Variants in BPTF observed in about 807,000 individuals in gnomAD.
BPTF encodes nucleosome-remodeling factor subunit BPTF.
Under a neutral mutation model 292.5 loss-of-function variants are expected in BPTF, and 18 were observed. The ratio of observed to expected loss-of-function variants is 0.06; its 90% CI spans 0.04 to 0.09. The LOEUF is 0.09. Ranked by LOEUF, BPTF falls within the 10% of genes least tolerant of loss-of-function variation. The pLI is 1.00. For synonymous variants in BPTF, 1,225 were observed against 1,251.9 expected, an observed-to-expected ratio of 0.98 and a Z score of 0.45; for missense variants, 2,726 against 3,498.7, an observed-to-expected ratio of 0.78 and a Z score of 5.57.
At position 67,982,052 on chromosome 17, in the gene BPTF, A is replaced by G. The variant is rs369465861; in HGVS notation, c.8727-200A>G. 7.2e-5 allele frequency: 27 copies of G among 376,386 alleles called. 1 individual carries two copies. The highest frequency in any genetic ancestry group is 5.0e-4 in the East Asian group (9 of 17,996). The allele number at this position is 376,386 out of a possible 1,614,324, so 23.3% of individuals were successfully genotyped here. A position where few individuals can be genotyped will look rare whatever the true frequency, so the allele number is the denominator to read the frequency against. The stretch of plus-strand genomic sequence containing the variant: ...AAATATTGGCTTTTTCCAGTGAGCT[A>G]TTATGTTTAGTGTACAGTGAAAAGT... On this transcript the variant is annotated intron_variant, in intron 27 of 27. Coordinates refer to ENST00000306378, the MANE Select transcript of BPTF (RefSeq NM_182641.4).
chr17:67,978,199 G>A (rs1220444829), intron 27 of BPTF, among the ~76,000 whole-genome samples: 1 of 151,532 alleles, frequency 6.6e-6, no homozygotes, highest in Non-Finnish European at 1.5e-5. Flanking sequence ...TATGACCCAA[G>A]CTAATCTTGA....
At chr17:67,830,356 C>A (rs1375664207) in intron 1 of BPTF, among the ~76,000 whole-genome samples, 1 of 152,142 alleles carries the variant, frequency 6.6e-6, no homozygotes, top group African/African-American at 2.4e-5. Context: ...GATTTATGTC[C>A]TCTAAGGATT....
chr17:67,898,278 T>C (rs2146467208), intron 7 of BPTF, among the ~76,000 whole-genome samples: 1 of 152,254 alleles, frequency 6.6e-6, no homozygotes, highest in South Asian at 2.1e-4. Flanking sequence ...GGAGAACCAC[T>C]TGAACCTGGG....
Position 67,849,153 on chromosome 17 carries a change from T to G in BPTF, c.614-4787T>G, listed in dbSNP as rs866520242. 4.6e-5 allele frequency among the ~76,000 whole-genome samples: 7 copies of G among 152,184 alleles called. No individual in the cohort carries two copies. In the South Asian group the frequency reaches 1.5e-3, roughly 32 times the overall value. ...TCTTTAAAGTAGTGGTTTTCAAACT[T>G]GCCGCACATCAGAATCATTTGGGGA... On this transcript the variant is annotated intron_variant, in intron 1 of 27. Transcript: ENST00000306378.
At chr17:67,957,805 G>A (rs1416487909) in intron 23 of BPTF, among the ~76,000 whole-genome samples, 2 of 151,882 alleles carry the variant, frequency 1.3e-5, no homozygotes, top group East Asian at 3.9e-4. Flanking sequence ...ACAGCAAGCC[G>A]TGTTTATGTC....
Position 67,931,918 on chromosome 17 carries a change from C to T in BPTF, c.6158C>T (p.Thr2053Ile), listed in dbSNP as rs2064425000. The T allele has an allele frequency of 3.1e-6, 5 of 1,611,892 alleles. No homozygotes were observed. The highest frequency in any genetic ancestry group is 4.2e-6 in the Non-Finnish European group (5 of 1,179,024). The change falls in exon 18 of 28, where the codon ACA (threonine) becomes ATA (isoleucine). Residue 2053 changes from threonine (T) to isoleucine (I), a missense_variant. By Grantham distance (89) the Thr-to-Ile change is moderately conservative (BLOSUM62 -1). Transcript: ENST00000306378. ...GGTTSNSQVI[T>I]GPQIRPGMTV... The stretch of plus-strand genomic sequence containing the variant: ...TCTTTGTGTCATTTATAGGTAATCA[C>T]AGGGCCTCAGATTCGCCCTGGTATG...
At chr17:67,961,739 C>T (rs1230941185) in intron 24 of BPTF, among the ~76,000 whole-genome samples, 44 of 151,972 alleles carry the variant, frequency 2.9e-4, no homozygotes, top group African/African-American at 9.7e-4. Context: ...TTTGGGAGGC[C>T]GAGGTGGACG....
intron 23 of BPTF, among the ~76,000 whole-genome samples, chr17:67,958,009 T>C (rs2067115885): frequency 6.6e-6 from 1 of 152,162 alleles, no homozygotes; most frequent in Non-Finnish European, 1.5e-5. Flanking sequence ...AGAGGTGTGC[T>C]TAAAAAGTAT....
chr17:67,870,769 T>TC (rs1294981888), intron 3 of BPTF, among the ~76,000 whole-genome samples: 3 of 128,634 alleles, frequency 2.3e-5, no homozygotes, highest in Non-Finnish European at 4.9e-5. Flanking sequence ...TTCATTTCTT[T>TC]TTTTTTTTTT....
At chr17:67,920,247 G>A in intron 13 of BPTF, 104 bp downstream of exon 13, 1 of 1,348,156 alleles carries the variant, frequency 7.4e-7, no homozygotes, top group Non-Finnish European at 1.0e-6. Context: ...TTTTAAAAAA[G>A]ACATATTTTA....
At chr17:67,845,202 C>T (rs2365468) in intron 1 of BPTF, among the ~76,000 whole-genome samples, 51,985 of 152,068 alleles carry the variant, frequency 0.34, 11,251 homozygotes, top group East Asian at 0.67. Flanking sequence ...GTGCTAGAAT[C>T]ATCCCTGTAA....
intron 24 of BPTF, among the ~76,000 whole-genome samples, chr17:67,962,166 A>G (rs1279743947): frequency 6.6e-6 from 1 of 152,160 alleles, no homozygotes; most frequent in Non-Finnish European, 1.5e-5. Context: ...TAGTGGTAAC[A>G]GGATAAACTA....
intron 1 of BPTF, among the ~76,000 whole-genome samples, chr17:67,851,169 C>G (rs925795231): frequency 1.3e-4 from 20 of 152,048 alleles, no homozygotes; most frequent in Non-Finnish European, 2.1e-4. Context: ...GGGACCCTAG[C>G]TCTTTTTGTA....
intron 7 of BPTF, among the ~76,000 whole-genome samples, chr17:67,899,242 A>G (rs911555293): frequency 3.3e-5 from 5 of 152,174 alleles, no homozygotes; most frequent in African/African-American, 4.8e-5. Flanking sequence ...ACAGTCCTCA[A>G]AAGATCCAAA....
chr17:67,975,768 T>C lies in BPTF; in HGVS notation c.8540-4T>C, dbSNP rs782096780. 1.9e-6 allele frequency: 3 copies of C among 1,603,070 alleles called. No individual in the cohort carries two copies. In the South Asian group the frequency reaches 3.4e-5, roughly 18 times the overall value. On this transcript the variant is annotated splice_polypyrimidine_tract_variant and splice_region_variant and intron_variant, in intron 26 of 27. Coordinates refer to ENST00000306378, the MANE Select transcript of BPTF (RefSeq NM_182641.4). ...GAAAATGTTTTACATTTTGTGTTTT[T>C]AAGACCTTGCCACCATGGAAGAAAG... is the stretch of plus-strand genomic sequence containing the variant.
chr17:67,940,316 C>T, intron 18 of BPTF, 123 bp from the exon 19 acceptor site: 5 of 913,862 alleles, frequency 5.5e-6, no homozygotes, highest in South Asian at 3.3e-5. Flanking sequence ...TCCTTAGGCT[C>T]TGAATATCCC....
intron 1 of BPTF, among the ~76,000 whole-genome samples, chr17:67,852,053 T>C (rs2058440481): frequency 6.6e-6 from 1 of 152,152 alleles, no homozygotes. Context: ...GTGAAATGAC[T>C]TGACTTGCTA....
At chr17:67,917,289 T>TAC (rs2063103698) in intron 11 of BPTF, among the ~76,000 whole-genome samples, 1 of 151,960 alleles carries the variant, frequency 6.6e-6, no homozygotes, top group Non-Finnish European at 1.5e-5. Flanking sequence ...CCCGCCACCA[T>TAC]ACCCAGCTTA....
At chr17:67,857,829 C>G (rs1199231275) in intron 2 of BPTF, among the ~76,000 whole-genome samples, 2 of 147,034 alleles carry the variant, frequency 1.4e-5, no homozygotes, top group Non-Finnish European at 3.0e-5. Context: ...CTCTGTTGCC[C>G]CGGCTAGAGT....
Sources: gnomAD v4.1 joint callset for allele counts (sites outside exome capture counted in the v4.1 genomes callset) on GRCh38, gnomAD v4.1.1 for gene constraint, MANE v1.5 for transcripts, NCBI Gene and HGNC (gene_info 2026-07-23, HGNC 2026-07-21) for gene names.